Variants in XKR6 observed in about 807,000 individuals in gnomAD.
XKR6 encodes the protein XK-related protein 6.
A neutral mutation model predicts 56.7 loss-of-function variants in XKR6; 22 were observed. The ratio of observed to expected loss-of-function variants is 0.39; its 90% CI spans 0.28 to 0.55. The LOEUF is 0.55. Among genes scored for constraint, XKR6 ranks in the 20% least tolerant of loss-of-function variants. XKR6 has a pLI of 0.66. For missense variants in XKR6, 852 were observed against 889.0 expected (o/e 0.96, Z 0.53); for synonymous variants, 524 against 387.8 (o/e 1.35, Z -4.13).
At chr8:10,904,319 G>C (rs190163966) in intron 2 of XKR6, among the ~76,000 whole-genome samples, 1 of 152,132 alleles carries the variant, frequency 6.6e-6, no homozygotes, top group Non-Finnish European at 1.5e-5. Flanking sequence ...CCAGAGAAAG[G>C]CTTGGAGAAA....
chr8:11,076,382 T>C lies in XKR6; in HGVS notation c.764+124194A>G, dbSNP rs180891508. 2.6e-4 allele frequency among the ~76,000 whole-genome samples: 40 copies of C among 152,298 alleles called. No homozygotes were observed. The East Asian group carries it at 7.6e-3, about 29-fold the overall frequency. On this transcript the variant is annotated intron_variant, in intron 1 of 2. Transcript: ENST00000416569. ...GGTTAGGATTGTAGATTTTATATTA[T>C]GCATATTTTACCATATTTTACGATC...
rs535863117 is a variant in XKR6, at chr8:10,908,390, T to C, written c.962-9474A>G. Among the ~76,000 whole-genome samples, 5 of 151,690 alleles carry C rather than the reference T, an allele frequency of 3.3e-5. No individual in the cohort carries two copies. The East Asian group carries it at 9.7e-4, about 30-fold the overall frequency. ...GCCCTGCCATAAACATATATATATATATATGGAGTCACCCGTGGAACCAGC... is the reference window on the plus strand; with the variant it reads ...GCCCTGCCATAAACATATATATATACATATGGAGTCACCCGTGGAACCAGC... On this transcript the variant is annotated intron_variant, in intron 2 of 2. Transcript: ENST00000416569.
At chr8:11,118,000 G>C (rs907755417) in intron 1 of XKR6, among the ~76,000 whole-genome samples, 6 of 152,122 alleles carry the variant, frequency 3.9e-5, no homozygotes, top group Non-Finnish European at 8.8e-5. Flanking sequence ...ACCGTTAGGA[G>C]AGGTATACAC....
chr8:11,071,431 G>A (rs1800111341), intron 1 of XKR6, among the ~76,000 whole-genome samples: 1 of 151,414 alleles, frequency 6.6e-6, no homozygotes, highest in African/African-American at 2.4e-5. Context: ...AGTAGAGACA[G>A]GGTTTCATAC....
chr8:11,199,248 T>C (rs1004649654), intron 1 of XKR6, among the ~76,000 whole-genome samples: 1 of 152,192 alleles, frequency 6.6e-6, no homozygotes, highest in Admixed American at 6.5e-5. Context: ...TAGCCTGAAT[T>C]TGCACGTAAA....
In XKR6 at chr8:10,933,411, AT is replaced by A. The variant is rs1379947816; in HGVS notation, c.765-8582del. Among the ~76,000 whole-genome samples the A allele has an allele frequency of 2.6e-5, 3 of 113,768 alleles. 1 individual carries two copies. Among genetic ancestry groups the A allele is most frequent in the Non-Finnish European group, 5.6e-5 (3 of 53,420 alleles). 74.6% of individuals were successfully genotyped at this position (113,768 alleles called of 152,430 possible). A position where few individuals can be genotyped will look rare whatever the true frequency, so the allele number is the denominator to read the frequency against. On this transcript the variant is annotated intron_variant, in intron 1 of 2. Transcript: ENST00000416569. ...AAGCTCTTTAGTTTAATTAGATCCC[AT>A]TTGTCAATTTTGGCTTTGGTTGCCA...
intron 1 of XKR6, among the ~76,000 whole-genome samples, chr8:11,180,982 T>A (rs958417157): frequency 5.3e-5 from 8 of 152,190 alleles, no homozygotes; most frequent in Admixed American, 6.5e-5. Context: ...AATAATGACA[T>A]ACAGGGTTAG....
chr8:10,939,852 G>A (rs1013774152), intron 1 of XKR6, among the ~76,000 whole-genome samples: 1 of 152,188 alleles, frequency 6.6e-6, no homozygotes. Context: ...GTTGTCAGGC[G>A]TCCTTGGGAG....
chr8:11,132,053 G>A (rs1800128890), intron 1 of XKR6, among the ~76,000 whole-genome samples: 1 of 152,122 alleles, frequency 6.6e-6, no homozygotes, highest in Admixed American at 6.6e-5. Context: ...CTGATACAGT[G>A]GGTCTCAAAC....
At chr8:11,149,299 T>C (rs148877929) in intron 1 of XKR6, among the ~76,000 whole-genome samples, 42 of 152,298 alleles carry the variant, frequency 2.8e-4, no homozygotes, top group Admixed American at 1.0e-3. Context: ...CAGGCTACCA[T>C]AGTGAATGCT....
chr8:11,110,525 T>A (rs187498374), intron 1 of XKR6, among the ~76,000 whole-genome samples: 18 of 152,210 alleles, frequency 1.2e-4, no homozygotes, highest in Admixed American at 1.2e-3. Context: ...ACTCAGTCTC[T>A]ATAGTTCCGT....
At chr8:10,917,880 C>T (rs1800604141) in intron 2 of XKR6, among the ~76,000 whole-genome samples, 1 of 152,292 alleles carries the variant, frequency 6.6e-6, no homozygotes, top group Middle Eastern at 3.4e-3. Flanking sequence ...TTGAACTACA[C>T]GTTTTCTCAA....
At chr8:11,160,058 T>C (rs1246105756) in intron 1 of XKR6, among the ~76,000 whole-genome samples, 2 of 152,132 alleles carry the variant, frequency 1.3e-5, no homozygotes, top group African/African-American at 4.8e-5. Context: ...GTAAGACTCA[T>C]CAGTGGTTAA....
At chr8:10,948,727 C>T (rs1039562419) in intron 1 of XKR6, among the ~76,000 whole-genome samples, 3 of 152,218 alleles carry the variant, frequency 2.0e-5, no homozygotes, top group Non-Finnish European at 4.4e-5. Context: ...AGGCCCCGCA[C>T]TCCCACCCCG....
intron 1 of XKR6, among the ~76,000 whole-genome samples, chr8:11,143,104 G>C (rs1800786347): frequency 1.3e-5 from 2 of 152,032 alleles, no homozygotes; most frequent in South Asian, 4.1e-4. Context: ...AAAACAGAAT[G>C]ACAAAGTCAA....
In XKR6 at chr8:11,026,086, G is replaced by A. The variant is rs79950159; in HGVS notation, c.765-101256C>T. Among the ~76,000 whole-genome samples, 786 of 152,262 alleles carry A rather than the reference G, an allele frequency of 5.2e-3. 3 individuals are homozygous for A. The highest frequency in any genetic ancestry group is 9.3e-3 in the African/African-American group (386 of 41,530). Reference sequence around the variant, plus strand: ...CATTCTGAGAAATGTGTCGTTAGGCGATTTCATCATTGTACGAGCATCACA... The same window carrying A: ...CATTCTGAGAAATGTGTCGTTAGGCAATTTCATCATTGTACGAGCATCACA... On this transcript the variant is annotated intron_variant, in intron 1 of 2. Transcript: ENST00000416569.
chr8:11,183,033 C>T (rs1259848752), intron 1 of XKR6, among the ~76,000 whole-genome samples: 2 of 152,178 alleles, frequency 1.3e-5, no homozygotes. Flanking sequence ...CATGTTGCAG[C>T]ATGTGTTAGA....
At chr8:10,990,534 C>T (rs1797966512) in intron 1 of XKR6, among the ~76,000 whole-genome samples, 3 of 152,222 alleles carry the variant, frequency 2.0e-5, no homozygotes. Flanking sequence ...ACACAACACA[C>T]TGTGGCTGGA....
chr8:11,086,288 AGCTTGTACTT>A (rs1225527200), intron 1 of XKR6, among the ~76,000 whole-genome samples: 1 of 152,054 alleles, frequency 6.6e-6, no homozygotes, highest in Non-Finnish European at 1.5e-5. Context: ...GCAAACATAG[AGCTTGTACTT>A]GGCCTGACCT....
Sources: gnomAD v4.1 joint callset for allele counts (sites outside exome capture counted in the v4.1 genomes callset) on GRCh38, gnomAD v4.1.1 for gene constraint, MANE v1.5 for transcripts, NCBI Gene and HGNC (gene_info 2026-07-23, HGNC 2026-07-21) for gene names.